Variants in PFKL observed in about 807,000 individuals in gnomAD.
PFKL encodes the protein phosphofructokinase, liver type.
PFKL carries 74 observed loss-of-function variants against 92.1 expected under a neutral mutation model. The observed-to-expected ratio is 0.80, with a 90% CI of 0.67 to 0.97. PFKL has a LOEUF of 0.97. Ranked by LOEUF, PFKL falls within the 50% of genes least tolerant of loss-of-function variation. The pLI is 0.00. For missense variants in PFKL, 1,028 were observed against 1,116.6 expected, an observed-to-expected ratio of 0.92 and a Z score of 1.13; for synonymous variants, 494 against 456.4, an observed-to-expected ratio of 1.08 and a Z score of -1.05.
At chr21:44,322,655 G>C (rs1478481747) in intron 14 of PFKL, among the ~76,000 whole-genome samples, 1 of 152,222 alleles carries the variant, frequency 6.6e-6, no homozygotes, top group African/African-American at 2.4e-5. Flanking sequence ...GGAAGCATCC[G>C]CTCCTGCCGC....
At chr21:44,304,400 C>T in intron 1 of PFKL, 1 of 1,258,704 alleles carries the variant, frequency 7.9e-7, no homozygotes, top group Non-Finnish European at 1.0e-6. Flanking sequence ...GGACGGTGGC[C>T]TGGGTGCGCT....
At chr21:44,300,854 C>T (rs904071576) in intron 1 of PFKL, among the ~76,000 whole-genome samples, 1 of 152,194 alleles carries the variant, frequency 6.6e-6, no homozygotes, top group Admixed American at 6.5e-5. Flanking sequence ...GTGGTGTCCT[C>T]GCACGCTCCC....
In PFKL at chr21:44,312,875, GCA is replaced by G. The variant is rs2047087221; in HGVS notation, c.428-101_428-100del. On this transcript the variant is annotated intron_variant, in intron 4 of 21. Transcript: ENST00000349048. ...GGAACTCCGGGGCCCCTGCCGGGCT[GCA>G]CGCCTGGGATGCGGGGGAAGGGGTG... 5.4e-6 allele frequency: 7 copies of G among 1,294,196 alleles called. No individual in the cohort carries two copies. The Admixed American group carries it at 9.8e-5, about 18-fold the overall frequency. 80.2% of individuals were successfully genotyped at this position (1,294,196 alleles called of 1,614,324 possible).
At chr21:44,319,904 G>A in intron 11 of PFKL, 180 bp from the exon 12 acceptor site, 2 of 601,056 alleles carry the variant, frequency 3.3e-6, no homozygotes, top group Non-Finnish European at 6.0e-6. Context: ...TTGTGTTGGG[G>A]GTCTCGCACC....
At chr21:44,307,408 C>A in intron 2 of PFKL, 1 of 587,490 alleles carries the variant, frequency 1.7e-6, no homozygotes, top group South Asian at 7.4e-5. Flanking sequence ...CACGCACTCA[C>A]AGGCTGCATT....
At chr21:44,319,579 C>T (rs1319802400) in intron 11 of PFKL, 164 bp downstream of exon 11, 3 of 651,912 alleles carry the variant, frequency 4.6e-6, no homozygotes, top group East Asian at 2.7e-5. Context: ...AGGAGGCGGG[C>T]TGGGAGGTGT....
intron 18 of PFKL, 55 bp downstream of exon 18, chr21:44,324,972 G>A: frequency 1.3e-6 from 2 of 1,514,614 alleles, no homozygotes; most frequent in East Asian, 2.4e-5. Context: ...TCGGGGCTGG[G>A]GTGGGGCTGC....
rs762976454 is a variant in PFKL, at chr21:44,318,525, C to G, written c.992C>G (p.Thr331Arg). The change falls in exon 10 of 22, where the codon ACG (threonine) becomes AGG (arginine). Residue 331 changes from threonine to arginine, a missense_variant. Physicochemically the swap from Thr to Arg is moderately conservative, Grantham distance 71. Transcript: ENST00000349048. Reference protein sequence around the residue: ...VMALLEATPDTPACVVTLSGN... With the variant: ...VMALLEATPDRPACVVTLSGN... ...GCGCTGCTGGAAGCCACGCCTGACACGCCGGCCTGCGTGGTCACCCTCTCG... is the reference window on the plus strand; with the variant it reads ...GCGCTGCTGGAAGCCACGCCTGACAGGCCGGCCTGCGTGGTCACCCTCTCG... 3 of 1,576,820 alleles carry G rather than the reference C, an allele frequency of 1.9e-6. No homozygotes were observed. Among genetic ancestry groups the G allele is most frequent in the Non-Finnish European group, 1.7e-6 (2 of 1,155,946 alleles).
Position 44,325,976 on chromosome 21 carries a change from C to G in PFKL, c.2005C>G (p.Pro669Ala). Residue 669 changes from proline (P) to alanine (A), a missense_variant, in exon 20 of 22, where the codon CCC becomes GCC. Physicochemically the swap from Pro to Ala is conservative, Grantham distance 27 (BLOSUM62 -1). Coordinates refer to ENST00000349048, the MANE Select transcript of PFKL (RefSeq NM_002626.6). ...GHLQQGGAPT[P>A]FDRNYGTKLG... ...CTGTTTCCAGGGTGGCGCTCCAACC[C>G]CCTTTGACCGGAACTATGGGACCAA... 1 of 1,613,568 alleles carries G rather than the reference C, an allele frequency of 6.2e-7. No individual in the cohort carries two copies. Among genetic ancestry groups the G allele is most frequent in the Non-Finnish European group, 8.5e-7 (1 of 1,179,844 alleles).
intron 17 of PFKL, 60 bp from the exon 18 acceptor site, chr21:44,324,796 G>T: frequency 6.3e-7 from 1 of 1,589,784 alleles, no homozygotes; most frequent in Non-Finnish European, 8.6e-7. Flanking sequence ...CGGATCGCCG[G>T]TCAGCCTGGA....
chr21:44,324,732 C>CGCAGG (rs2047452043), intron 17 of PFKL, 77 bp downstream of exon 17: 1 of 1,562,598 alleles, frequency 6.4e-7, no homozygotes, highest in Non-Finnish European at 8.7e-7. Flanking sequence ...GGCCGGCCAG[C>CGCAGG]GCAGGGCAGG....
chr21:44,306,264 C>T (rs528002155), intron 1 of PFKL, among the ~76,000 whole-genome samples: 6 of 152,204 alleles, frequency 3.9e-5, no homozygotes, highest in African/African-American at 9.6e-5. Flanking sequence ...GTGTGGAGTT[C>T]GGGACACCCA....
intron 12 of PFKL, chr21:44,321,492 G>T: frequency 3.7e-6 from 1 of 270,744 alleles, no homozygotes; most frequent in South Asian, 1.1e-4. Context: ...CTCCTCTGTT[G>T]CCTGCGTGCC....
intron 15 of PFKL, 42 bp from the exon 16 acceptor site, chr21:44,323,724 C>G: frequency 6.3e-7 from 1 of 1,578,772 alleles, no homozygotes; most frequent in Non-Finnish European, 8.6e-7. Flanking sequence ...CCCACCCTGG[C>G]CTCGGTGCTG....
intron 4 of PFKL, 131 bp downstream of exon 4, chr21:44,312,425 G>T (rs111384953): frequency 2.1e-5 from 17 of 823,600 alleles, no homozygotes; most frequent in Admixed American, 3.5e-5. Flanking sequence ...CTGTCTGGCC[G>T]TTGGCCGGGG....
chr21:44,324,834 T>C, intron 17 of PFKL, 22 bp from the exon 18 acceptor site: 3 of 1,602,746 alleles, frequency 1.9e-6, no homozygotes, highest in East Asian at 2.3e-5. Context: ...CTCCGGCTCA[T>C]CCGTGTCCGC....
At chr21:44,304,441 TG>T in intron 1 of PFKL, 1 of 1,215,654 alleles carries the variant, frequency 8.2e-7, no homozygotes, top group Non-Finnish European at 1.0e-6. Flanking sequence ...CTGCCTCAGC[TG>T]CTGCCTGCCA....
Position 44,305,479 on chromosome 21 carries a change from C to T in PFKL, c.86-1202C>T, listed in dbSNP as rs372927307. 1.7e-4 allele frequency: 215 copies of T among 1,277,534 alleles called. 1 individual carries two copies. In the South Asian group the frequency reaches 1.8e-3, roughly 11 times the overall value. The allele number at this position is 1,277,534 out of a possible 1,614,324, so 79.1% of individuals were successfully genotyped here. On this transcript the variant is annotated intron_variant, in intron 1 of 21. Transcript: ENST00000349048. Reference sequence around the variant, plus strand: ...GGAGGGCAGGGGCTTTTGAGGGGCACGAGGCTTGGGGACAGAGGACCCGCA... The same window carrying T: ...GGAGGGCAGGGGCTTTTGAGGGGCATGAGGCTTGGGGACAGAGGACCCGCA...
chr21:44,300,164 T>C lies in PFKL; in HGVS notation c.59T>C (p.Val20Ala). ...TCGGGCGCGGGCAAGGCCATCGGCG[T>C]CCTGACCAGCGGCGGCGACGCGCAA... ...RASGAGKAIG[V>A]LTSGGDAQGM... Residue 20 changes from valine to alanine, a missense_variant, in exon 1 of 22, where the codon GTC becomes GCC. Physicochemically the swap from Val to Ala is moderately conservative, Grantham distance 64 (BLOSUM62 0). Transcript: ENST00000349048. 1 of 1,173,974 alleles carries C rather than the reference T, an allele frequency of 8.5e-7. No homozygotes were observed. Among genetic ancestry groups the C allele is most frequent in the Non-Finnish European group, 1.1e-6 (1 of 939,770 alleles). 72.7% of individuals were successfully genotyped at this position (1,173,974 alleles called of 1,614,324 possible).
Sources: gnomAD v4.1 joint callset for allele counts (sites outside exome capture counted in the v4.1 genomes callset) on GRCh38, gnomAD v4.1.1 for gene constraint, MANE v1.5 for transcripts, NCBI Gene and HGNC (gene_info 2026-07-23, HGNC 2026-07-21) for gene names.